ANKRD17: variants seen among roughly 807,000 people sequenced by gnomAD.
ANKRD17 encodes ankyrin repeat domain 17.
A neutral mutation model predicts 229.7 loss-of-function variants in ANKRD17; 19 were observed. The observed-to-expected ratio is 0.08, with a 90% CI of 0.06 to 0.12. The LOEUF is 0.12. Ranked by LOEUF, ANKRD17 falls within the 10% of genes least tolerant of loss-of-function variation. The pLI, the probability that ANKRD17 is intolerant of heterozygous loss-of-function variation, is 1.00. For synonymous variants in ANKRD17, 1,112 were observed against 1,146.1 expected (o/e 0.97, Z 0.60); for missense variants, 2,176 against 3,176.8 (o/e 0.68, Z 7.57).
Position 73,258,682 on chromosome 4 carries a change from G to T in ANKRD17, c.-14C>A, listed in dbSNP as rs566882911. 1 of 1,453,878 alleles carries T rather than the reference G, an allele frequency of 6.9e-7. No individual in the cohort carries two copies. Among genetic ancestry groups the T allele is most frequent in the African/African-American group, 1.5e-5 (1 of 67,110 alleles). 90.1% of individuals were successfully genotyped at this position (1,453,878 alleles called of 1,614,324 possible). A position where few individuals can be genotyped will look rare whatever the true frequency, so the allele number is the denominator to read the frequency against. ...CGCCTTCTCCATCCCCAGGGAAAGA[G>T]GGAGGGCGCGGACGGGGGAGGGGCG... On this transcript the variant is annotated 5_prime_UTR_variant, in exon 1 of 34. Coordinates refer to ENST00000358602, the MANE Select transcript of ANKRD17 (RefSeq NM_032217.5).
chr4:73,114,373 A>G (rs868565412), intron 23 of ANKRD17, among the ~76,000 whole-genome samples: 8 of 152,234 alleles, frequency 5.3e-5, no homozygotes, highest in Non-Finnish European at 4.4e-5. Context: ...ATGTACTTAC[A>G]TAATTTTCTC....
At chr4:73,145,429 G>A (rs1730140405) in intron 10 of ANKRD17, among the ~76,000 whole-genome samples, 1 of 152,156 alleles carries the variant, frequency 6.6e-6, no homozygotes, top group South Asian at 2.1e-4. Flanking sequence ...AGACTCTACT[G>A]CATACTTATG....
rs1289960328 is a variant in ANKRD17 at position 73,178,847 on chromosome 4, C to T, written c.394-1314G>A. On this transcript the variant is annotated intron_variant, in intron 1 of 33. Transcript: ENST00000358602. ...TGCTACTTACAAATAGGTACTAAAA[C>T]ATATTCTTTTCTGCTTAGTGATAAA... is the stretch of plus-strand genomic sequence containing the variant. Among the ~76,000 whole-genome samples, 3 of 152,192 alleles carry T rather than the reference C, an allele frequency of 2.0e-5. 1 individual carries two copies. The South Asian group carries it at 6.2e-4, about 32-fold the overall frequency.
At chr4:73,117,046 ATAGT>A (rs753437285) in intron 22 of ANKRD17, among the ~76,000 whole-genome samples, 73 of 152,226 alleles carry the variant, frequency 4.8e-4, no homozygotes, top group African/African-American at 5.8e-4. Flanking sequence ...AACAACTCTA[ATAGT>A]TAGAGTAATA....
intron 1 of ANKRD17, among the ~76,000 whole-genome samples, chr4:73,202,594 A>T (rs960385968): frequency 5.3e-5 from 8 of 152,200 alleles, no homozygotes; most frequent in Non-Finnish European, 8.8e-5. Flanking sequence ...GGCTACACAT[A>T]CCAGTAGGGC....
Position 73,101,664 on chromosome 4 carries a change from C to CAAA in ANKRD17, c.4573+709_4573+711dup, listed in dbSNP as rs71215484. 3.2e-3 allele frequency among the ~76,000 whole-genome samples: 359 copies of CAAA among 111,268 alleles called. 31 individuals carry two copies. The highest frequency in any genetic ancestry group is 5.0e-3 in the South Asian group (16 of 3,202). The allele number at this position is 111,268 out of a possible 152,430, so 73.0% of individuals were successfully genotyped here. A position where few individuals can be genotyped will look rare whatever the true frequency, so the allele number is the denominator to read the frequency against. Reference sequence around the variant, plus strand: ...TGGGCAACAGACCAAGACTCGGTCTCAAAAAAAAAAAAAAAAAGGATTTAT... The same window carrying CAAA: ...TGGGCAACAGACCAAGACTCGGTCTCAAAAAAAAAAAAAAAAAAAAGGATTTAT... On this transcript the variant is annotated intron_variant, in intron 25 of 33. Transcript: ENST00000358602.
rs1721079006 is a variant in ANKRD17 at position 73,077,107 on chromosome 4, TA to T, written c.7588-4del. ...CCATACACAGAAAAAGGCATACCCT[TA>T]AAAAAGGAAAACACACACATTAACA... is the stretch of plus-strand genomic sequence containing the variant. On this transcript the variant is annotated splice_polypyrimidine_tract_variant and splice_region_variant and intron_variant, in intron 32 of 33. Coordinates refer to ENST00000358602, the MANE Select transcript of ANKRD17 (RefSeq NM_032217.5). 2.6e-6 allele frequency: 4 copies of T among 1,559,296 alleles called. No individual in the cohort carries two copies. Among genetic ancestry groups the T allele is most frequent in the African/African-American group, 1.4e-5 (1 of 72,442 alleles).
intron 29 of ANKRD17, among the ~76,000 whole-genome samples, chr4:73,089,322 C>T (rs1722530201): frequency 6.6e-6 from 1 of 151,996 alleles, no homozygotes; most frequent in South Asian, 2.1e-4. Flanking sequence ...GGGCACAAGC[C>T]ACCGTGCCAA....
At chr4:73,179,734 G>T (rs1258637743) in intron 1 of ANKRD17, among the ~76,000 whole-genome samples, 1 of 150,914 alleles carries the variant, frequency 6.6e-6, no homozygotes, top group Non-Finnish European at 1.5e-5. Context: ...CCAAAGGACG[G>T]GATTATAGGC....
At position 73,222,765 on chromosome 4, in the gene ANKRD17, G is replaced by A. The variant is rs565122207; in HGVS notation, c.393+35511C>T. Among the ~76,000 whole-genome samples the A allele has an allele frequency of 6.6e-5, 10 of 152,182 alleles. No individual in the cohort carries two copies. The South Asian group carries it at 2.1e-3, about 32-fold the overall frequency. On this transcript the variant is annotated intron_variant, in intron 1 of 33. Coordinates refer to ENST00000358602, the MANE Select transcript of ANKRD17 (RefSeq NM_032217.5). ...ATATCTACAATTTATGAAACATGAA[G>A]TTTAAACAAAATAATTATAGACGTC...
At chr4:73,212,919 C>G (rs1324614674) in intron 1 of ANKRD17, among the ~76,000 whole-genome samples, 3 of 149,746 alleles carry the variant, frequency 2.0e-5, no homozygotes, top group African/African-American at 7.4e-5. Context: ...TCCAGCTACT[C>G]GGGAGGCGGA....
intron 25 of ANKRD17, 150 bp from the exon 26 acceptor site, chr4:73,098,670 G>T: frequency 3.6e-6 from 3 of 841,390 alleles, no homozygotes; most frequent in Non-Finnish European, 5.7e-6. Context: ...TAATGAGCTG[G>T]ATAGGACTGA....
At chr4:73,113,051 G>T (rs1725512767) in intron 24 of ANKRD17, 1 of 1,114,196 alleles carries the variant, frequency 9.0e-7, no homozygotes, top group South Asian at 1.9e-5. Flanking sequence ...GCCTCCCAAA[G>T]TGCTGGGAAT....
At chr4:73,198,875 C>T (rs899818474) in intron 1 of ANKRD17, among the ~76,000 whole-genome samples, 1 of 152,064 alleles carries the variant, frequency 6.6e-6, no homozygotes, top group African/African-American at 2.4e-5. Flanking sequence ...CTACAAATGT[C>T]AGGAATTGTG....
At chr4:73,218,799 C>G (rs996906812) in intron 1 of ANKRD17, among the ~76,000 whole-genome samples, 1 of 152,140 alleles carries the variant, frequency 6.6e-6, no homozygotes, top group Non-Finnish European at 1.5e-5. Context: ...TGCAGTGGCT[C>G]ACGCCTGTAA....
At chr4:73,180,141 T>C (rs1328150151) in intron 1 of ANKRD17, among the ~76,000 whole-genome samples, 1 of 152,084 alleles carries the variant, frequency 6.6e-6, no homozygotes, top group African/African-American at 2.4e-5. Flanking sequence ...AAAAGCAGTA[T>C]ATAGTTAACT....
At chr4:73,143,988 G>A (rs961291524) in intron 11 of ANKRD17, among the ~76,000 whole-genome samples, 12 of 152,238 alleles carry the variant, frequency 7.9e-5, no homozygotes, top group African/African-American at 2.6e-4. Flanking sequence ...GGACCCTCCT[G>A]ACTCGAGGTC....
chr4:73,105,680 T>TA (rs1271461739), intron 24 of ANKRD17, among the ~76,000 whole-genome samples: 1 of 152,220 alleles, frequency 6.6e-6, no homozygotes, highest in Non-Finnish European at 1.5e-5. Flanking sequence ...CCACCACAGT[T>TA]AGTTTATTGG....
intron 2 of ANKRD17, among the ~76,000 whole-genome samples, chr4:73,163,008 G>A (rs1045559245): frequency 6.7e-6 from 1 of 150,332 alleles, no homozygotes; most frequent in African/African-American, 2.4e-5. Context: ...ACAGGCGCAT[G>A]TCACCATGCC....
Sources: allele counts gnomAD v4.1 joint callset (sites outside exome capture counted in the v4.1 genomes callset), GRCh38; gene constraint gnomAD v4.1.1; transcripts MANE v1.5; gene names NCBI Gene and HGNC (gene_info 2026-07-23, HGNC 2026-07-21).